PALD1: variants seen among roughly 807,000 people sequenced by gnomAD.
PALD1 encodes paladin.
A neutral mutation model predicts 96.0 loss-of-function variants in PALD1; 57 were observed. The ratio of observed to expected loss-of-function variants is 0.59; its 90% CI spans 0.48 to 0.74. The LOEUF (loss-of-function observed/expected upper bound fraction) is 0.74, where lower values mean the gene tolerates loss of function less well. PALD1 is among the 30% of genes least tolerant of loss of function. The pLI is 0.00. For synonymous variants in PALD1, 464 were observed against 473.6 expected (o/e 0.98, Z 0.26); for missense variants, 1,063 against 1,143.7 (o/e 0.93, Z 1.02).
intron 18 of PALD1, among the ~76,000 whole-genome samples, 177 bp downstream of exon 18, chr10:70,547,623 C>T (rs944870254): frequency 2.0e-5 from 3 of 152,152 alleles, no homozygotes; most frequent in Non-Finnish European, 2.9e-5. Flanking sequence ...GACACATCCC[C>T]AGCCCCGACC....
intron 18 of PALD1, among the ~76,000 whole-genome samples, chr10:70,561,405 A>T (rs1461583784): frequency 1.3e-5 from 2 of 152,196 alleles, no homozygotes; most frequent in Non-Finnish European, 1.5e-5. Flanking sequence ...AGGCTTTCGG[A>T]TGGAGCTTGG....
chr10:70,463,187 A>T, the PALD1 span, among the ~76,000 whole-genome samples: 1 of 152,284 alleles, frequency 6.6e-6, no homozygotes, highest in African/African-American at 2.4e-5. Flanking sequence ...GGCAGATCAC[A>T]AGGTCAGGAG....
intron 18 of PALD1, among the ~76,000 whole-genome samples, chr10:70,561,396 G>A (rs577654855): frequency 1.3e-5 from 2 of 152,364 alleles, no homozygotes; most frequent in South Asian, 4.1e-4. Context: ...ATAGGCTCCA[G>A]GCTTTCGGAT....
rs1846454037 is a variant in PALD1 at position 70,508,836 on chromosome 10, GCGGAACC to G, written c.-29-17086_-29-17080del. Among the ~76,000 whole-genome samples, 8 of 22,324 alleles carry G rather than the reference GCGGAACC, an allele frequency of 3.6e-4. 1 individual carries two copies. Among genetic ancestry groups the G allele is most frequent in the African/African-American group, 6.3e-4 (3 of 4,734 alleles). 14.6% of individuals were successfully genotyped at this position (22,324 alleles called of 152,430 possible). ...GTGTGTGTGCAGGCCTGTGGGAGCTGCGGAACCTGTGTGTGTGTGTGCAGGCCTGTGG... is the reference window on the plus strand; with the variant it reads ...GTGTGTGTGCAGGCCTGTGGGAGCTGTGTGTGTGTGTGTGCAGGCCTGTGG... On this transcript the variant is annotated intron_variant, in intron 1 of 19. Transcript: ENST00000263563.
intron 1 of PALD1, among the ~76,000 whole-genome samples, chr10:70,513,948 C>T (rs780185387): frequency 5.9e-5 from 9 of 152,226 alleles, no homozygotes; most frequent in Non-Finnish European, 1.0e-4. Flanking sequence ...TTTGTCATCC[C>T]GAGAACCCGC....
rs778096483 is a variant in PALD1 at position 70,539,014 on chromosome 10, C to T, written c.1569+6C>T. On this transcript the variant is annotated splice_donor_region_variant and intron_variant, in intron 13 of 19. Coordinates refer to ENST00000263563, the MANE Select transcript of PALD1 (RefSeq NM_014431.3). This position sits in a 1 kb window ranked among gnomAD's most constrained non-coding sequence, Gnocchi z 4.5. ...CGGCCCAGCCCAGCGCCAAGGTGAC[C>T]GGCCCTCAGGGCCTGGGTCCCCCAG... 2.7e-5 allele frequency: 43 copies of T among 1,613,440 alleles called. No homozygotes were observed. Among genetic ancestry groups the T allele is most frequent in the Middle Eastern group, 1.6e-4 (1 of 6,080 alleles).
intron 18 of PALD1, among the ~76,000 whole-genome samples, chr10:70,556,542 T>G (rs1219201185): frequency 1.3e-5 from 2 of 152,138 alleles, no homozygotes; most frequent in Admixed American, 1.3e-4. Flanking sequence ...GGCCTCAAAC[T>G]ACTGGGCTCA....
intron 1 of PALD1, among the ~76,000 whole-genome samples, chr10:70,484,889 C>T (rs552902270): frequency 6.6e-6 from 1 of 152,334 alleles, no homozygotes; most frequent in East Asian, 1.9e-4. Flanking sequence ...AGTTATCAAC[C>T]TTCAGAAAAT....
Position 70,533,906 on chromosome 10 carries a change from T to C in PALD1, c.871-16T>C. On this transcript the variant is annotated splice_polypyrimidine_tract_variant and intron_variant, in intron 7 of 19. Transcript: ENST00000263563. Reference sequence around the variant, plus strand: ...TCCTGGTCTCACTGGGGCCTGATCCTCATGGTCTTTCCCAGGAGACCCCCA... The same window carrying C: ...TCCTGGTCTCACTGGGGCCTGATCCCCATGGTCTTTCCCAGGAGACCCCCA... 1 of 1,569,706 alleles carries C rather than the reference T, an allele frequency of 6.4e-7. No homozygotes were observed. The highest frequency in any genetic ancestry group is 1.2e-5 in the South Asian group (1 of 84,908).
the PALD1 span, among the ~76,000 whole-genome samples, chr10:70,462,471 TA>T: frequency 3.9e-5 from 6 of 152,352 alleles, no homozygotes; most frequent in African/African-American, 1.4e-4. Flanking sequence ...CAATGCTCAG[TA>T]AATGGGAGCT....
In PALD1 at chr10:70,539,571, C is replaced by G. The variant is rs1480055366; in HGVS notation, c.1726-9C>G. ...AGTGGCCTGTGTCCTCCCTCCTGCC[C>G]TTGCCCAGACCCTGGAGGCCCAGCT... On this transcript the variant is annotated splice_polypyrimidine_tract_variant and intron_variant, in intron 14 of 19. Coordinates refer to ENST00000263563, the MANE Select transcript of PALD1 (RefSeq NM_014431.3). The surrounding 1 kb of genome is among the most constrained non-coding windows in gnomAD (Gnocchi z 4.5). 10 of 1,601,808 alleles carry G rather than the reference C, an allele frequency of 6.2e-6. No individual in the cohort carries two copies. Among genetic ancestry groups the G allele is most frequent in the Non-Finnish European group, 7.7e-6 (9 of 1,172,846 alleles).
chr10:70,539,011 G>T lies in PALD1; in HGVS notation c.1569+3G>T. 1 of 1,613,718 alleles carries T rather than the reference G, an allele frequency of 6.2e-7. No homozygotes were observed. Among genetic ancestry groups the T allele is most frequent in the South Asian group, 1.1e-5 (1 of 91,058 alleles). On this transcript the variant is annotated splice_donor_region_variant and intron_variant, in intron 13 of 19. Transcript: ENST00000263563. This position sits in a 1 kb window ranked among gnomAD's most constrained non-coding sequence, Gnocchi z 4.5. Reference sequence around the variant, plus strand: ...GCACGGCCCAGCCCAGCGCCAAGGTGACCGGCCCTCAGGGCCTGGGTCCCC... The same window carrying T: ...GCACGGCCCAGCCCAGCGCCAAGGTTACCGGCCCTCAGGGCCTGGGTCCCC...
chr10:70,521,909 A>G (rs981291454), intron 1 of PALD1, among the ~76,000 whole-genome samples: 1 of 152,010 alleles, frequency 6.6e-6, no homozygotes, highest in Admixed American at 6.6e-5. Flanking sequence ...TTAAATACAT[A>G]AAATAGGTGG....
At chr10:70,463,088 G>A in the PALD1 span, among the ~76,000 whole-genome samples, 20 of 152,284 alleles carry the variant, frequency 1.3e-4, no homozygotes, top group African/African-American at 3.4e-4. Context: ...GGTCTCTCTC[G>A]AATGTTTGTG....
chr10:70,530,357 A>T (rs574585742), intron 4 of PALD1, among the ~76,000 whole-genome samples: 2 of 152,340 alleles, frequency 1.3e-5, no homozygotes, highest in Non-Finnish European at 2.9e-5. Context: ...ACCGGGTGAC[A>T]GGAGGAGCCA....
intron 1 of PALD1, among the ~76,000 whole-genome samples, chr10:70,515,590 C>T (rs2132327817): frequency 6.6e-6 from 1 of 152,340 alleles, no homozygotes; most frequent in East Asian, 1.9e-4. Context: ...AGTGCAGGGT[C>T]AGCCATGGTG....
chr10:70,482,812 A>G (rs989055133), intron 1 of PALD1, among the ~76,000 whole-genome samples: 1 of 152,182 alleles, frequency 6.6e-6, no homozygotes, highest in Non-Finnish European at 1.5e-5. Context: ...GAATGTCACA[A>G]GGATGAAAGG....
chr10:70,547,033 G>C (rs868132819), intron 17 of PALD1, among the ~76,000 whole-genome samples: 2 of 152,102 alleles, frequency 1.3e-5, no homozygotes, highest in Non-Finnish European at 2.9e-5. Flanking sequence ...TTAGATATTC[G>C]GTACAAATTC....
In PALD1 at chr10:70,568,195, G is replaced by A. The variant is rs1020376834; in HGVS notation, c.*1462G>A. 6 of 152,554 alleles carry A rather than the reference G, an allele frequency of 3.9e-5. No homozygotes were observed. The highest frequency in any genetic ancestry group is 3.3e-4 in the Admixed American group (5 of 15,258). 9.5% of individuals were successfully genotyped at this position (152,554 alleles called of 1,614,324 possible). A position where few individuals can be genotyped will look rare whatever the true frequency, so the allele number is the denominator to read the frequency against. On this transcript the variant is annotated 3_prime_UTR_variant, in exon 20 of 20. Coordinates refer to ENST00000263563, the MANE Select transcript of PALD1 (RefSeq NM_014431.3). ...TGAATTAAGACGTTTTAATTTCTTTGCAGACAAGGTCTAGATGCGGAGTCA... is the reference window on the plus strand; with the variant it reads ...TGAATTAAGACGTTTTAATTTCTTTACAGACAAGGTCTAGATGCGGAGTCA...
Sources: gnomAD v4.1 joint callset for allele counts (sites outside exome capture counted in the v4.1 genomes callset) on GRCh38, gnomAD v4.1.1 for gene constraint, Gnocchi (gnomAD v3.1) non-coding constraint, MANE v1.5 for transcripts, NCBI Gene and HGNC (gene_info 2026-07-23, HGNC 2026-07-21) for gene names.